Variants in MMP20 observed in about 807,000 individuals in gnomAD.
MMP20 encodes the protein matrix metallopeptidase 20.
Under a neutral mutation model 51.8 loss-of-function variants are expected in MMP20, and 50 were observed. The ratio of observed to expected loss-of-function variants is 0.97; its 90% CI spans 0.77 to 1.22. MMP20 has a LOEUF of 1.22. MMP20 is among the 50% of genes most tolerant of loss of function. The probability of loss-of-function intolerance (pLI) is 0.00; values close to 1 mark genes in which losing one functional copy is unlikely to be tolerated. For synonymous variants in MMP20, 244 were observed against 216.2 expected (o/e 1.13, Z -1.13); for missense variants, 663 against 601.4 (o/e 1.10, Z -1.07).
intron 6 of MMP20, among the ~76,000 whole-genome samples, chr11:102,603,245 GC>G (rs1274018967): frequency 2.0e-5 from 3 of 152,170 alleles, no homozygotes; most frequent in Non-Finnish European, 4.4e-5. Context: ...GACTGGGAGC[GC>G]TTTCATAATC....
intron 6 of MMP20, among the ~76,000 whole-genome samples, chr11:102,604,349 G>A (rs1306854895): frequency 6.6e-6 from 1 of 151,976 alleles, no homozygotes; most frequent in African/African-American, 2.4e-5. Flanking sequence ...GTACTTTTTG[G>A]TAATATTCAA....
At chr11:102,589,444 A>G (rs1179322011) in intron 8 of MMP20, among the ~76,000 whole-genome samples, 1 of 152,198 alleles carries the variant, frequency 6.6e-6, no homozygotes, top group Non-Finnish European at 1.5e-5. Context: ...TTATTTATCT[A>G]TATATTTACC....
intron 2 of MMP20, among the ~76,000 whole-genome samples, chr11:102,612,897 G>A (rs563877608): frequency 2.6e-4 from 39 of 151,832 alleles, no homozygotes; most frequent in South Asian, 1.0e-3. Flanking sequence ...CCACCACGCC[G>A]GGCTAATTTT....
intron 6 of MMP20, 74 bp from the exon 7 acceptor site, chr11:102,594,831 G>A: frequency 1.3e-6 from 2 of 1,556,726 alleles, no homozygotes; most frequent in Non-Finnish European, 1.7e-6. Context: ...ATTGCACTTT[G>A]ACTGAAATGT....
intron 2 of MMP20, among the ~76,000 whole-genome samples, chr11:102,615,189 TA>T (rs1859653556): frequency 6.9e-6 from 1 of 144,850 alleles, no homozygotes; most frequent in Non-Finnish European, 1.5e-5. Flanking sequence ...GTTTTAATAA[TA>T]TATTATTAAT....
rs139374751 is a variant in MMP20, at chr11:102,623,585, C to A, written c.126+1609G>T. On this transcript the variant is annotated intron_variant, in intron 1 of 9. Transcript: ENST00000260228. ...TGAAACTGGTGCTTGGCTGGTCTAG[C>A]CTTATTCCTTAATAGACTGGTCAGG... 6.8e-3 allele frequency among the ~76,000 whole-genome samples: 1,030 copies of A among 152,316 alleles called. 17 individuals are homozygous for A. Among genetic ancestry groups the A allele is most frequent in the African/African-American group, 0.024 (981 of 41,556 alleles).
In MMP20 at chr11:102,616,008, G is replaced by C. The variant is rs78037509; in HGVS notation, c.374+804C>G. Among the ~76,000 whole-genome samples the C allele has an allele frequency of 6.7e-3, 1,018 of 152,276 alleles. 16 individuals carry two copies. Among genetic ancestry groups the C allele is most frequent in the African/African-American group, 0.023 (970 of 41,540 alleles). ...CTGGCTCCCAGAATCAGGTCTGGCT[G>C]TGGGAGAGGGAATTCCAGACTCCGT... On this transcript the variant is annotated intron_variant, in intron 2 of 9. Transcript: ENST00000260228.
chr11:102,580,677 C>T (rs1859181907), intron 8 of MMP20, among the ~76,000 whole-genome samples: 3 of 147,156 alleles, frequency 2.0e-5, no homozygotes, highest in Admixed American at 6.6e-5. Context: ...TATGCAGGGG[C>T]CTGCATAACA....
At chr11:102,601,652 C>T (rs577501520) in intron 6 of MMP20, among the ~76,000 whole-genome samples, 99 of 152,290 alleles carry the variant, frequency 6.5e-4, no homozygotes, top group African/African-American at 2.3e-3. Flanking sequence ...TGAGCACTAG[C>T]TTATTTCTAT....
At chr11:102,578,777 C>G (rs1364194709) in intron 9 of MMP20, among the ~76,000 whole-genome samples, 1 of 100,324 alleles carries the variant, frequency 1.0e-5, no homozygotes, top group Admixed American at 9.4e-5. Flanking sequence ...AAACAAAAAA[C>G]AAAACACACA....
At chr11:102,624,510 G>A (rs1194977650) in intron 1 of MMP20, among the ~76,000 whole-genome samples, 1 of 149,344 alleles carries the variant, frequency 6.7e-6, no homozygotes, top group African/African-American at 2.5e-5. Flanking sequence ...ATTTCTATCA[G>A]ACCCTTTCCA....
At chr11:102,588,085 T>G (rs1341992248) in intron 8 of MMP20, among the ~76,000 whole-genome samples, 1 of 152,130 alleles carries the variant, frequency 6.6e-6, no homozygotes, top group Admixed American at 6.5e-5. Context: ...TTTTAATTTC[T>G]TTTATAATTG....
Position 102,616,827 on chromosome 11 carries a change from T to A in MMP20, c.359A>T (p.Asn120Ile). 6.2e-7 allele frequency: 1 copy of A among 1,612,748 alleles called. No individual in the cohort carries two copies. Among genetic ancestry groups the A allele is most frequent in the Non-Finnish European group, 8.5e-7 (1 of 1,178,938 alleles). Residue 120 changes from asparagine (N) to isoleucine (I), a missense_variant, in exon 2 of 10, where the codon AAT (asparagine) becomes ATT (isoleucine). Coordinates refer to ENST00000260228, the MANE Select transcript of MMP20 (RefSeq NM_004771.4). ...ATCTCATTACCTGTATGTCAAAGTA[T>A]TTTTTTTCCATTTGGGTTCACCAGG... is the stretch of plus-strand genomic sequence containing the variant. ...LFPGEPKWKKNTLTYRISKYT... is the reference protein window; with the variant it reads ...LFPGEPKWKKITLTYRISKYT...
intron 9 of MMP20, among the ~76,000 whole-genome samples, chr11:102,578,157 T>TA (rs1859148395): frequency 6.6e-6 from 1 of 150,974 alleles, no homozygotes; most frequent in Non-Finnish European, 1.5e-5. Context: ...TTTTTTTTTT[T>TA]TTTTGAGACA....
In MMP20 at chr11:102,616,965, T is replaced by G; in HGVS notation, c.221A>C (p.Glu74Ala). Residue 74 changes from glutamate (E) to alanine (A), a missense_variant, in exon 2 of 10, where the codon GAG becomes GCG. Glu to Ala is a moderately radical substitution (Grantham distance 107). Coordinates refer to ENST00000260228, the MANE Select transcript of MMP20 (RefSeq NM_004771.4). ...GSNSMIRKIKELQAFFGLQVT... is the reference protein window; with the variant it reads ...GSNSMIRKIKALQAFFGLQVT... ...TTGGAGGCCAAAGAACGCTTGTAGC[T>G]CCTTAATCTTCCTTATCATGGAATT... 6.2e-7 allele frequency: 1 copy of G among 1,614,226 alleles called. No individual in the cohort carries two copies. The highest frequency in any genetic ancestry group is 8.5e-7 in the Non-Finnish European group (1 of 1,180,052).
chr11:102,596,058 T>G (rs1034789844), intron 6 of MMP20, among the ~76,000 whole-genome samples: 10 of 152,332 alleles, frequency 6.6e-5, no homozygotes, highest in African/African-American at 2.4e-4. Context: ...GATGAAACAC[T>G]GAAGAAGATG....
At chr11:102,578,764 CA>C (rs1565387354) in intron 9 of MMP20, among the ~76,000 whole-genome samples, 11 of 106,780 alleles carry the variant, frequency 1.0e-4, no homozygotes, top group Admixed American at 2.8e-4. Flanking sequence ...AAACAAAAAA[CA>C]AAAACAAAAA....
intron 6 of MMP20, among the ~76,000 whole-genome samples, chr11:102,595,353 T>C (rs1859369619): frequency 6.6e-6 from 1 of 152,210 alleles, no homozygotes; most frequent in Admixed American, 6.5e-5. Context: ...ATGTTCAAAA[T>C]AATGAAAGAA....
intron 8 of MMP20, among the ~76,000 whole-genome samples, chr11:102,582,321 T>A (rs1859206223): frequency 6.6e-6 from 1 of 152,172 alleles, no homozygotes; most frequent in East Asian, 1.9e-4. Context: ...AATGGGGAAC[T>A]GAGTCAGCTA....
Sources: allele counts gnomAD v4.1 joint callset (sites outside exome capture counted in the v4.1 genomes callset), GRCh38; gene constraint gnomAD v4.1.1; transcripts MANE v1.5; gene names NCBI Gene and HGNC (gene_info 2026-07-23, HGNC 2026-07-21).